The following TMPRSS11A variants were observed in gnomAD, a reference collection of about 807,000 sequenced individuals.
TMPRSS11A encodes transmembrane serine protease 11A, also known as transmembrane protease serine 11A.
TMPRSS11A carries 53 observed loss-of-function variants against 58.9 expected under a neutral mutation model. That is an observed-to-expected ratio of 0.90 (90% CI 0.72 to 1.13). The LOEUF is 1.13. Among genes scored for constraint, TMPRSS11A ranks in the 50% most tolerant of loss-of-function variants. The pLI, the probability that TMPRSS11A is intolerant of heterozygous loss-of-function variation, is 0.00. For missense variants in TMPRSS11A, 493 were observed against 499.3 expected (o/e 0.99, Z 0.12); for synonymous variants, 167 against 169.8 (o/e 0.98, Z 0.13).
intron 1 of TMPRSS11A, among the ~76,000 whole-genome samples, chr4:67,950,951 A>G (rs1190440047): frequency 6.6e-6 from 1 of 152,228 alleles, no homozygotes; most frequent in East Asian, 1.9e-4. Context: ...GGTGAGGTGG[A>G]AGAGCCTTGG....
intron 8 of TMPRSS11A, among the ~76,000 whole-genome samples, chr4:67,916,472 T>TACACACACACACAC (rs34678013): frequency 6.0e-5 from 9 of 150,094 alleles, no homozygotes; most frequent in African/African-American, 2.2e-4. Context: ...ATATATATTA[T>TACACACACACACAC]ACACACACAC....
chr4:67,946,425 G>C, intron 2 of TMPRSS11A, 25 bp downstream of exon 2: 2 of 1,569,454 alleles, frequency 1.3e-6, no homozygotes, highest in Non-Finnish European at 8.6e-7. Flanking sequence ...AAATCAAATA[G>C]AGTGAAATCT....
rs1187017750 is a variant in TMPRSS11A, at chr4:67,909,637, T to G, written c.*1705A>C. ...TTTGTCTTGAAGTGAATTCAGAGAA[T>G]TGGCAGCCAGCTGCCTAAATGAATC... On this transcript the variant is annotated 3_prime_UTR_variant, in exon 10 of 10. Coordinates refer to ENST00000508048, the MANE Select transcript of TMPRSS11A (RefSeq NM_001114387.2). 3 of 152,174 alleles carry G rather than the reference T, an allele frequency of 2.0e-5. No individual in the cohort carries two copies. Among genetic ancestry groups the G allele is most frequent in the Admixed American group, 6.5e-5 (1 of 15,274 alleles). The allele number at this position is 152,174 out of a possible 1,614,324, so 9.4% of individuals were successfully genotyped here.
chr4:67,940,415 T>C (rs1027018938), intron 3 of TMPRSS11A, among the ~76,000 whole-genome samples: 1 of 152,160 alleles, frequency 6.6e-6, no homozygotes, highest in African/African-American at 2.4e-5. Context: ...GATTTAAGTA[T>C]GAACTCAATA....
chr4:67,958,814 C>G (rs547304121), intron 1 of TMPRSS11A, among the ~76,000 whole-genome samples: 1 of 152,120 alleles, frequency 6.6e-6, no homozygotes, highest in Admixed American at 6.5e-5. Context: ...CTCACAATTC[C>G]CATGTGTCGT....
intron 4 of TMPRSS11A, 91 bp downstream of exon 4, chr4:67,931,902 C>A: frequency 1.3e-6 from 1 of 779,326 alleles, no homozygotes; most frequent in Non-Finnish European, 2.2e-6. Context: ...AAAGCCTAGT[C>A]CATGGAGACA....
rs1199000630 is a variant in TMPRSS11A at position 67,924,972 on chromosome 4, TC to T, written c.482-807del. Among the ~76,000 whole-genome samples, 3 of 92,962 alleles carry T rather than the reference TC, an allele frequency of 3.2e-5. No homozygotes were observed. In the East Asian group the frequency reaches 1.1e-3, roughly 35 times the overall value. The allele number at this position is 92,962 out of a possible 152,430, so 61.0% of individuals were successfully genotyped here. A position where few individuals can be genotyped will look rare whatever the true frequency, so the allele number is the denominator to read the frequency against. ...CTATTTACTTCGAATTTCACATAAA[TC>T]TTTTTTTTTTTTTTTTTGGTTAAAG... On this transcript the variant is annotated intron_variant, in intron 5 of 9. Coordinates refer to ENST00000508048, the MANE Select transcript of TMPRSS11A (RefSeq NM_001114387.2).
chr4:67,915,358 A>T (rs879478958), intron 8 of TMPRSS11A, among the ~76,000 whole-genome samples: 6 of 152,132 alleles, frequency 3.9e-5, no homozygotes, highest in Non-Finnish European at 8.8e-5. Context: ...GCATTCAGGG[A>T]TTCTTTATAC....
intron 4 of TMPRSS11A, among the ~76,000 whole-genome samples, chr4:67,931,472 T>C (rs1197279283): frequency 6.6e-6 from 1 of 152,168 alleles, no homozygotes; most frequent in Non-Finnish European, 1.5e-5. Flanking sequence ...GCAACTGATA[T>C]GAGTCTTCCC....
Position 67,924,108 on chromosome 4 carries a change from T to C in TMPRSS11A, c.520+20A>G, listed in dbSNP as rs1720401147. The C allele has an allele frequency of 6.2e-7, 1 of 1,607,954 alleles. No individual in the cohort carries two copies. Among genetic ancestry groups the C allele is most frequent in the South Asian group, 1.1e-5 (1 of 90,938 alleles). On this transcript the variant is annotated intron_variant, in intron 6 of 9. Transcript: ENST00000508048. The stretch of plus-strand genomic sequence containing the variant: ...CTGATGTGAAAATTGAACTTGTTTA[T>C]ATAAGCTAACTTGACTTACTTGCTT...
At chr4:67,952,366 CA>C (rs1181170051) in intron 1 of TMPRSS11A, among the ~76,000 whole-genome samples, 1 of 152,066 alleles carries the variant, frequency 6.6e-6, no homozygotes, top group Non-Finnish European at 1.5e-5. Flanking sequence ...CCTTTTAACC[CA>C]AATGAATAAT....
intron 9 of TMPRSS11A, among the ~76,000 whole-genome samples, chr4:67,912,391 T>A (rs980016461): frequency 5.3e-5 from 8 of 152,150 alleles, no homozygotes; most frequent in Non-Finnish European, 7.4e-5. Flanking sequence ...GGTGCAGAGC[T>A]ATGGTGTTGG....
chr4:67,945,492 A>G (rs1720981384), intron 2 of TMPRSS11A, among the ~76,000 whole-genome samples: 1 of 152,206 alleles, frequency 6.6e-6, no homozygotes, highest in Admixed American at 6.5e-5. Context: ...TTACTTACCC[A>G]TATAATCCAT....
At chr4:67,942,570 A>G (rs1720905827) in intron 3 of TMPRSS11A, among the ~76,000 whole-genome samples, 1 of 152,218 alleles carries the variant, frequency 6.6e-6, no homozygotes, top group Admixed American at 6.5e-5. Flanking sequence ...AGTAGCCTAA[A>G]CATACTAAGA....
Position 67,911,146 on chromosome 4 carries a change from A to G in TMPRSS11A, c.*196T>C. ...TTTTTCAAGCCAGATCCATTACTTT[A>G]CAAATAAAAGTCCCTTATAAATTGG... On this transcript the variant is annotated 3_prime_UTR_variant, in exon 10 of 10. Transcript: ENST00000508048. 2.1e-6 allele frequency: 1 copy of G among 475,840 alleles called. No individual in the cohort carries two copies. Among genetic ancestry groups the G allele is most frequent in the Admixed American group, 3.5e-5 (1 of 28,192 alleles). The allele number at this position is 475,840 out of a possible 1,614,324, so 29.5% of individuals were successfully genotyped here.
chr4:67,931,372 C>T (rs1272008909), intron 4 of TMPRSS11A, among the ~76,000 whole-genome samples: 1 of 152,040 alleles, frequency 6.6e-6, no homozygotes, highest in East Asian at 1.9e-4. Context: ...AAATATGAGT[C>T]ATACAGGCTC....
chr4:67,933,349 C>A (rs1281661585), intron 3 of TMPRSS11A, among the ~76,000 whole-genome samples: 1 of 152,184 alleles, frequency 6.6e-6, no homozygotes, highest in Non-Finnish European at 1.5e-5. Context: ...TAAGCTGGGA[C>A]TGAAACCCAA....
rs1055339952 is a variant in TMPRSS11A at position 67,956,306 on chromosome 4, G to A, written c.11+7077C>T. ...ACACAAGTGGCAGAGCTAAGATAAGGGAAGGACTTATCTGTCTGACTTCAA... is the reference window on the plus strand; with the variant it reads ...ACACAAGTGGCAGAGCTAAGATAAGAGAAGGACTTATCTGTCTGACTTCAA... On this transcript the variant is annotated intron_variant, in intron 1 of 9. Coordinates refer to ENST00000508048, the MANE Select transcript of TMPRSS11A (RefSeq NM_001114387.2). 2.6e-5 allele frequency among the ~76,000 whole-genome samples: 4 copies of A among 152,112 alleles called. No individual in the cohort carries two copies. The East Asian group carries it at 7.7e-4, about 29-fold the overall frequency.
chr4:67,936,278 G>C (rs180737996), intron 3 of TMPRSS11A, among the ~76,000 whole-genome samples: 2 of 151,216 alleles, frequency 1.3e-5, no homozygotes, highest in East Asian at 3.9e-4. Flanking sequence ...CATAATCTTG[G>C]TAGTTTTTAG....
Sources: allele counts gnomAD v4.1 joint callset (sites outside exome capture counted in the v4.1 genomes callset), GRCh38; gene constraint gnomAD v4.1.1; transcripts MANE v1.5; gene names NCBI Gene and HGNC (gene_info 2026-07-23, HGNC 2026-07-21).